MYT1L: variants seen among roughly 807,000 people sequenced by gnomAD.
The protein encoded by MYT1L is myelin transcription factor 1-like protein.
A neutral mutation model predicts 126.7 loss-of-function variants in MYT1L; 12 were observed. The ratio of observed to expected loss-of-function variants is 0.09; its 90% confidence interval spans 0.06 to 0.15. MYT1L has a LOEUF of 0.15. MYT1L is among the 10% of genes least tolerant of loss of function. The pLI is 1.00. For missense variants in MYT1L, 979 were observed against 1,585.2 expected, an observed-to-expected ratio of 0.62 and a Z score of 6.49; for synonymous variants, 541 against 604.2, an observed-to-expected ratio of 0.90 and a Z score of 1.53.
intron 4 of MYT1L, among the ~76,000 whole-genome samples, chr2:2,001,237 C>CTTTTTTTTTTTTTTTTTTTTTTTTTTTT (rs11389323): frequency 6.7e-5 from 7 of 103,910 alleles, no homozygotes; most frequent in African/African-American, 1.2e-4. Flanking sequence ...TTGGTTTTAG[C>CTTTTTTTTTTTTTTTTTTTTTTTTTTTT]TTTTTTTTTT....
chr2:1,855,265 A>T (rs958554808), intron 18 of MYT1L, among the ~76,000 whole-genome samples: 1 of 152,186 alleles, frequency 6.6e-6, no homozygotes, highest in Non-Finnish European at 1.5e-5. Flanking sequence ...AGGATCCTCG[A>T]CCACGGGCGT....
At chr2:1,908,815 G>A (rs1351659594) in intron 13 of MYT1L, among the ~76,000 whole-genome samples, 1 of 152,158 alleles carries the variant, frequency 6.6e-6, no homozygotes, top group African/African-American at 2.4e-5. Context: ...TGAGATGGGT[G>A]CTCTGGGGGC....
Position 1,973,430 on chromosome 2 carries a change from G to A in MYT1L, c.152+5735C>T, listed in dbSNP as rs954297053. 2.0e-5 allele frequency among the ~76,000 whole-genome samples: 3 copies of A among 152,004 alleles called. No homozygotes were observed. The East Asian group carries it at 5.8e-4, about 29-fold the overall frequency. On this transcript the variant is annotated intron_variant, in intron 8 of 24. Transcript: ENST00000647738. ...TAGATTCCATTCTAACCACTAACTT[G>A]CACTTTGTTTTTAACACAAACAGTA... is the stretch of plus-strand genomic sequence containing the variant.
chr2:2,315,945 A>G (rs2096058190), intron 1 of MYT1L, among the ~76,000 whole-genome samples: 1 of 152,186 alleles, frequency 6.6e-6, no homozygotes. Context: ...ATTTATTTTC[A>G]TATGAGAAGC....
intron 2 of MYT1L, among the ~76,000 whole-genome samples, chr2:2,282,991 C>G (rs1194171439): frequency 6.6e-6 from 1 of 152,192 alleles, no homozygotes; most frequent in African/African-American, 2.4e-5. Flanking sequence ...AGGAGAATAC[C>G]TTGAACCCCG....
intron 3 of MYT1L, among the ~76,000 whole-genome samples, chr2:2,088,630 G>GA (rs35716505): frequency 0.054 from 7,840 of 144,874 alleles, 209 homozygotes; most frequent in East Asian, 0.088. Context: ...TGATTTACTG[G>GA]AAAAAAAAAA....
intron 1 of MYT1L, among the ~76,000 whole-genome samples, chr2:2,323,381 A>G (rs1013293507): frequency 1.3e-5 from 2 of 152,198 alleles, no homozygotes; most frequent in Non-Finnish European, 2.9e-5. Flanking sequence ...TCAGGAATCT[A>G]TAAAAAGACA....
rs2053733937 is a variant in MYT1L at position 1,922,760 on chromosome 2, G to A, written c.1009C>T (p.Leu337=). ...LECLRNQCFD[L]ARKLSETNPQ... Reference sequence around the variant, plus strand: ...TTGGTCTCACTGAGCTTCCTGGCCAGGTCGAAGCACTGATTCCTCAAACAC... The same window carrying A: ...TTGGTCTCACTGAGCTTCCTGGCCAAGTCGAAGCACTGATTCCTCAAACAC... Residue 337 remains leucine, a synonymous_variant, in exon 10 of 25, where the codon CTG becomes TTG. Transcript: ENST00000647738. This position sits in a 1 kb window ranked among gnomAD's most constrained non-coding sequence, Gnocchi z 7.4. 2 of 1,613,978 alleles carry A rather than the reference G, an allele frequency of 1.2e-6. No individual in the cohort carries two copies.
chr2:2,202,279 G>C (rs2093113909), intron 2 of MYT1L, among the ~76,000 whole-genome samples: 3 of 151,974 alleles, frequency 2.0e-5, no homozygotes, highest in Admixed American at 6.6e-5. Context: ...ATCAGAGCAG[G>C]ACTGAAGGAA....
At chr2:1,824,075 C>T (rs556310213) in intron 21 of MYT1L, among the ~76,000 whole-genome samples, 31 of 152,274 alleles carry the variant, frequency 2.0e-4, no homozygotes, top group African/African-American at 7.2e-4. Context: ...CAAGCCCTCT[C>T]CATGGGGGTT....
Position 1,910,133 on chromosome 2 carries a change from C to G in MYT1L, c.1817+107G>C, listed in dbSNP as rs2051722050. The G allele has an allele frequency of 1.9e-6, 2 of 1,029,646 alleles. No individual in the cohort carries two copies. The highest frequency in any genetic ancestry group is 2.9e-6 in the Non-Finnish European group (2 of 694,792). 63.8% of individuals were successfully genotyped at this position (1,029,646 alleles called of 1,614,324 possible). On this transcript the variant is annotated intron_variant, in intron 13 of 24. Transcript: ENST00000647738. The surrounding 1 kb of genome is among the most constrained non-coding windows in gnomAD (Gnocchi z 4.8). Reference sequence around the variant, plus strand: ...CCAGCACAGCCCCGCCCTCCAGTCCCTGCCCCTGCTGCTGTAGGGACATGC... The same window carrying G: ...CCAGCACAGCCCCGCCCTCCAGTCCGTGCCCCTGCTGCTGTAGGGACATGC...
At chr2:2,285,667 G>T (rs769267786) in intron 1 of MYT1L, among the ~76,000 whole-genome samples, 1 of 152,228 alleles carries the variant, frequency 6.6e-6, no homozygotes, top group Non-Finnish European at 1.5e-5. Context: ...TGACAGAGGA[G>T]CAGGGATCTT....
At chr2:2,015,294 C>T (rs774451786) in intron 4 of MYT1L, among the ~76,000 whole-genome samples, 8 of 152,136 alleles carry the variant, frequency 5.3e-5, no homozygotes, top group East Asian at 1.9e-4. Flanking sequence ...ACAGTGCAGG[C>T]GCAGCATGCA....
At position 1,791,729 on chromosome 2, in the gene MYT1L, A is replaced by G. The variant is rs2032126404; in HGVS notation, c.*138T>C. On this transcript the variant is annotated 3_prime_UTR_variant, in exon 25 of 25. Coordinates refer to ENST00000647738, the MANE Select transcript of MYT1L (RefSeq NM_001303052.2). This position sits in a 1 kb window ranked among gnomAD's most constrained non-coding sequence, Gnocchi z 6.0. ...TACTATCTTTAAAGCAAGACATAAA[A>G]TCATTATGAAGTCTTGTAAGCATAA... 1.2e-6 allele frequency: 1 copy of G among 861,180 alleles called. No homozygotes were observed. Among genetic ancestry groups the G allele is most frequent in the East Asian group, 2.7e-5 (1 of 37,696 alleles). 53.3% of individuals were successfully genotyped at this position (861,180 alleles called of 1,614,324 possible).
At chr2:1,831,955 G>A (rs754911814) in intron 21 of MYT1L, among the ~76,000 whole-genome samples, 12 of 152,074 alleles carry the variant, frequency 7.9e-5, no homozygotes, top group Non-Finnish European at 1.6e-4. Context: ...CCCGAGGCCC[G>A]TTACCAGCTG....
intron 18 of MYT1L, among the ~76,000 whole-genome samples, chr2:1,871,335 C>A (rs2046262787): frequency 1.3e-5 from 2 of 152,244 alleles, no homozygotes; most frequent in African/African-American, 4.8e-5. Context: ...CCAGACCTGG[C>A]TGGAAGCCGC....
At chr2:1,859,847 G>A (rs900475788) in intron 18 of MYT1L, among the ~76,000 whole-genome samples, 28 of 152,220 alleles carry the variant, frequency 1.8e-4, no homozygotes, top group African/African-American at 5.1e-4. Context: ...ACAGCGCGCC[G>A]GATGAGAGGG....
At chr2:2,082,160 T>A (rs924333524) in intron 3 of MYT1L, among the ~76,000 whole-genome samples, 8 of 152,176 alleles carry the variant, frequency 5.3e-5, no homozygotes, top group African/African-American at 1.9e-4. Context: ...TACATACATA[T>A]ACAAAGAACT....
intron 11 of MYT1L, among the ~76,000 whole-genome samples, chr2:1,916,920 T>C (rs2052923065): frequency 1.3e-5 from 2 of 152,208 alleles, no homozygotes; most frequent in Admixed American, 1.3e-4. Flanking sequence ...GGAAGCAACC[T>C]GCCCAAGGTC....
Sources: gnomAD v4.1 joint callset for allele counts (sites outside exome capture counted in the v4.1 genomes callset) on GRCh38, gnomAD v4.1.1 for gene constraint, Gnocchi (gnomAD v3.1) non-coding constraint, MANE v1.5 for transcripts, NCBI Gene and HGNC (gene_info 2026-07-23, HGNC 2026-07-21) for gene names.